The following MED10 variants were observed in gnomAD, a reference collection of about 807,000 sequenced individuals.
MED10 encodes the protein mediator of RNA polymerase II transcription subunit 10.
Under a neutral mutation model 17.2 loss-of-function variants are expected in MED10, and 9 were observed. The ratio of observed to expected loss-of-function variants is 0.52; its 90% confidence interval spans 0.31 to 0.91. The LOEUF is 0.91. MED10 is among the 40% of genes least tolerant of loss of function. MED10 has a pLI of 0.04. For synonymous variants in MED10, 66 were observed against 59.8 expected, an observed-to-expected ratio of 1.10 and a Z score of -0.48; for missense variants, 129 against 164.8, an observed-to-expected ratio of 0.78 and a Z score of 1.19.
chr5:6,372,495 T>C lies in MED10; in HGVS notation c.*8A>G. The C allele has an allele frequency of 6.2e-7, 1 of 1,610,412 alleles. No individual in the cohort carries two copies. The highest frequency in any genetic ancestry group is 8.5e-7 in the Non-Finnish European group (1 of 1,176,824). ...CCAGGGGATCTTCACACAGGGAGGG[T>C]GAGCTGGTTAAGAAGGCGGGTGATC... On this transcript the variant is annotated 3_prime_UTR_variant, in exon 4 of 4. Coordinates refer to ENST00000255764, the MANE Select transcript of MED10 (RefSeq NM_032286.3).
chr5:6,372,538 G>C lies in MED10; in HGVS notation c.373C>G (p.Arg125Gly), dbSNP rs1047866320. The change falls in exon 4 of 4, where the codon CGA becomes GGA. Residue 125 changes from arginine to glycine, a missense_variant. Arg to Gly is a moderately radical substitution (Grantham distance 125, BLOSUM62 -2). Coordinates refer to ENST00000255764, the MANE Select transcript of MED10 (RefSeq NM_032286.3). Reference sequence around the variant, plus strand: ...GGGTGATCCTCCCCCCGGATGCTTCGATACTTAGCCATGTCTTCCGGAAAT... The same window carrying C: ...GGGTGATCCTCCCCCCGGATGCTTCCATACTTAGCCATGTCTTCCGGAAAT... Reference protein sequence around the residue: ...KVFPEDMAKYRSIRGEDHPPS With the variant: ...KVFPEDMAKYGSIRGEDHPPS The C allele has an allele frequency of 6.2e-7, 1 of 1,614,236 alleles. No individual in the cohort carries two copies. The highest frequency in any genetic ancestry group is 2.2e-5 in the East Asian group (1 of 44,892).
chr5:6,372,191 T>A lies in MED10; in HGVS notation c.*312A>T, dbSNP rs1390949890. On this transcript the variant is annotated 3_prime_UTR_variant, in exon 4 of 4. Coordinates refer to ENST00000255764, the MANE Select transcript of MED10 (RefSeq NM_032286.3). ...TGTTGTAAAACTTTTAATTTACCCATCATATTTAACATTTCCAAGACTATT... is the reference window on the plus strand; with the variant it reads ...TGTTGTAAAACTTTTAATTTACCCAACATATTTAACATTTCCAAGACTATT... The A allele has an allele frequency of 7.3e-6, 2 of 274,792 alleles. No individual in the cohort carries two copies. The highest frequency in any genetic ancestry group is 4.4e-5 in the African/African-American group (2 of 45,844). 17.0% of individuals were successfully genotyped at this position (274,792 alleles called of 1,614,324 possible). A position where few individuals can be genotyped will look rare whatever the true frequency, so the allele number is the denominator to read the frequency against.
In MED10 at chr5:6,377,181, G is replaced by A. The variant is rs748426938; in HGVS notation, c.191C>T (p.Pro64Leu). ...CRQQLHDITV[P>L]LEVFEYIDQG... ...TGTTACTTACTCAAAAACTTCTAAC[G>A]GTACAGTAATATCATGAAGCTGCTG... Residue 64 changes from proline to leucine, a missense_variant, in exon 2 of 4, where the codon CCG (proline) becomes CTG (leucine). Around this residue, in one of 3 missense-constraint regions of MED10, gnomAD observed 100 missense variants for 121.0 expected, o/e 0.83. Coordinates refer to ENST00000255764, the MANE Select transcript of MED10 (RefSeq NM_032286.3). The A allele has an allele frequency of 2.2e-5, 35 of 1,605,656 alleles. No homozygotes were observed. The highest frequency in any genetic ancestry group is 2.7e-5 in the African/African-American group (2 of 74,688).
chr5:6,372,349 G>C lies in MED10; in HGVS notation c.*154C>G. The C allele has an allele frequency of 1.6e-6, 1 of 623,480 alleles. No homozygotes were observed. The highest frequency in any genetic ancestry group is 2.8e-6 in the Non-Finnish European group (1 of 351,154). 38.6% of individuals were successfully genotyped at this position (623,480 alleles called of 1,614,324 possible). On this transcript the variant is annotated 3_prime_UTR_variant, in exon 4 of 4. Transcript: ENST00000255764. Reference sequence around the variant, plus strand: ...AGCTCCGCCTCTCCTCCAGCCCCTCGGTCCCATGAGGCCAAACAATGAGGA... The same window carrying C: ...AGCTCCGCCTCTCCTCCAGCCCCTCCGTCCCATGAGGCCAAACAATGAGGA...
In MED10 at chr5:6,373,406, A is replaced by G. The variant is rs552581684; in HGVS notation, c.310-805T>C. 2.0e-5 allele frequency among the ~76,000 whole-genome samples: 3 copies of G among 152,324 alleles called. No individual in the cohort carries two copies. The East Asian group carries it at 5.8e-4, about 29-fold the overall frequency. ...CGGCAGAGGAGACAGAACAAACAGA[A>G]AAAACAAAATTAAAAGGTAAATCTT... is the stretch of plus-strand genomic sequence containing the variant. On this transcript the variant is annotated intron_variant, in intron 3 of 3. Coordinates refer to ENST00000255764, the MANE Select transcript of MED10 (RefSeq NM_032286.3).
rs374569661 is a variant in MED10, at chr5:6,374,763, T to C, written c.207-337A>G. ...TGCTATTTATTACCTTTTTGATCCT[T>C]ACAGCAGCTTGTATGGTAAGGCAAC... On this transcript the variant is annotated intron_variant, in intron 2 of 3. Coordinates refer to ENST00000255764, the MANE Select transcript of MED10 (RefSeq NM_032286.3). The C allele has an allele frequency of 9.9e-5, 21 of 211,340 alleles. No homozygotes were observed. The East Asian group carries it at 1.6e-3, about 16-fold the overall frequency. The allele number at this position is 211,340 out of a possible 1,614,324, so 13.1% of individuals were successfully genotyped here. A position where few individuals can be genotyped will look rare whatever the true frequency, so the allele number is the denominator to read the frequency against.
intron 2 of MED10, 108 bp from the exon 3 acceptor site, chr5:6,374,534 G>A: frequency 1.3e-6 from 1 of 766,346 alleles, no homozygotes; most frequent in Non-Finnish European, 2.3e-6. Context: ...ACTGCACACG[G>A]CCTTGTTTAG....
intron 2 of MED10, among the ~76,000 whole-genome samples, chr5:6,375,159 C>T (rs77991575): frequency 6.6e-6 from 1 of 152,090 alleles, no homozygotes; most frequent in African/African-American, 2.4e-5. Context: ...TCTTCAGTAT[C>T]CTGAAGATTT....
chr5:6,374,427 C>A lies in MED10; in HGVS notation c.207-1G>T. On this transcript the variant is annotated splice_acceptor_variant, in intron 2 of 3. Coordinates refer to ENST00000255764, the MANE Select transcript of MED10 (RefSeq NM_032286.3). LOFTEE classifies it high-confidence loss of function. Reference sequence around the variant, plus strand: ...GGGATTTCGACCTTGATCTATATATCTGGAAACACGATATATTTCAATTAG... The same window carrying A: ...GGGATTTCGACCTTGATCTATATATATGGAAACACGATATATTTCAATTAG... The A allele has an allele frequency of 6.3e-7, 1 of 1,591,746 alleles. No homozygotes were observed. The highest frequency in any genetic ancestry group is 8.6e-7 in the Non-Finnish European group (1 of 1,159,716).
intron 2 of MED10, 28 bp downstream of exon 2, chr5:6,377,138 C>G: frequency 6.7e-7 from 1 of 1,496,244 alleles, no homozygotes; most frequent in Middle Eastern, 1.7e-4. Context: ...GATTTATACC[C>G]AAGACTAATA....
chr5:6,376,938 T>C (rs1246442200), intron 2 of MED10: 1 of 375,456 alleles, frequency 2.7e-6, no homozygotes, highest in Non-Finnish European at 4.7e-6. Flanking sequence ...CAATAGAATA[T>C]TAAGGATATT....
chr5:6,376,173 C>T (rs1331165063), intron 2 of MED10, among the ~76,000 whole-genome samples: 1 of 152,166 alleles, frequency 6.6e-6, no homozygotes, highest in African/African-American at 2.4e-5. Context: ...AGCAGGTGAA[C>T]AGAAGATCAG....
chr5:6,376,322 C>T (rs1402930167), intron 2 of MED10, among the ~76,000 whole-genome samples: 1 of 152,214 alleles, frequency 6.6e-6, no homozygotes, highest in Non-Finnish European at 1.5e-5. Context: ...TAGTGATTTA[C>T]ATTTGCAGTT....
Position 6,377,261 on chromosome 5 carries a change from G to A in MED10, c.123-12C>T. ...TAACAATAAAATTCCTGGGGGAAAG[G>A]CAAACACACAGGCATCTGGTTAATT... On this transcript the variant is annotated splice_polypyrimidine_tract_variant and intron_variant, in intron 1 of 3. Coordinates refer to ENST00000255764, the MANE Select transcript of MED10 (RefSeq NM_032286.3). The A allele has an allele frequency of 6.3e-7, 1 of 1,598,818 alleles. No homozygotes were observed. The highest frequency in any genetic ancestry group is 8.6e-7 in the Non-Finnish European group (1 of 1,169,192).
chr5:6,374,940 G>A (rs55776321), intron 2 of MED10: 12,556 of 153,234 alleles, frequency 0.082, 558 homozygotes, highest in Non-Finnish European at 0.1. Flanking sequence ...GGAAAGGAAA[G>A]GAGAACTACA....
chr5:6,378,265 T>C, intron 1 of MED10, 97 bp downstream of exon 1: 3 of 1,417,368 alleles, frequency 2.1e-6, no homozygotes. Context: ...CGAGTAGCGG[T>C]CAGGCTCGGC....
chr5:6,377,057 G>A (rs1738006954), intron 2 of MED10, 109 bp downstream of exon 2: 2 of 595,448 alleles, frequency 3.4e-6, no homozygotes, highest in South Asian at 3.6e-5. Flanking sequence ...CACCCAGGCT[G>A]TGCCTACCAC....
rs1737902213 is a variant in MED10, at chr5:6,372,267, G to C, written c.*236C>G. Reference sequence around the variant, plus strand: ...GAGAATGATCCCCACAGTGATGAGGGGTCAGCACTCTGAAAGCCAGTTGAC... The same window carrying C: ...GAGAATGATCCCCACAGTGATGAGGCGTCAGCACTCTGAAAGCCAGTTGAC... On this transcript the variant is annotated 3_prime_UTR_variant, in exon 4 of 4. Transcript: ENST00000255764. The C allele has an allele frequency of 1.9e-6, 1 of 530,014 alleles. No homozygotes were observed. Among genetic ancestry groups the C allele is most frequent in the East Asian group, 3.1e-5 (1 of 32,400 alleles). 32.8% of individuals were successfully genotyped at this position (530,014 alleles called of 1,614,324 possible).
intron 3 of MED10, among the ~76,000 whole-genome samples, chr5:6,374,001 G>T (rs193237657): frequency 6.6e-6 from 1 of 152,190 alleles, no homozygotes; most frequent in African/African-American, 2.4e-5. Flanking sequence ...GCCTTCAACA[G>T]TAGGAATTAC....
Sources: allele counts gnomAD v4.1 joint callset (sites outside exome capture counted in the v4.1 genomes callset), GRCh38; gene constraint gnomAD v4.1.1; regional missense constraint gnomAD v4.1.1; transcripts MANE v1.5; gene names NCBI Gene and HGNC (gene_info 2026-07-23, HGNC 2026-07-21).